The following DNAJC6 variants were observed in gnomAD, a reference collection of about 807,000 sequenced individuals.
DNAJC6 encodes DnaJ heat shock protein family (Hsp40) member C6.
A neutral mutation model predicts 110.0 loss-of-function variants in DNAJC6; 34 were observed. The observed-to-expected ratio is 0.31, with a 90% CI of 0.24 to 0.41. The LOEUF is 0.41. Ranked by LOEUF, DNAJC6 falls within the 10% of genes least tolerant of loss-of-function variation. DNAJC6 has a pLI of 1.00. For synonymous variants in DNAJC6, 406 were observed against 437.2 expected (o/e 0.93, Z 0.89); for missense variants, 1,031 against 1,207.8 (o/e 0.85, Z 2.17).
chr1:65,299,815 C>T (rs775253341), intron 1 of DNAJC6, among the ~76,000 whole-genome samples: 33 of 151,918 alleles, frequency 2.2e-4, no homozygotes, highest in Non-Finnish European at 4.0e-4. Context: ...TTTGGGAGGC[C>T]GAGGTAGGCG....
chr1:65,380,036 A>C (rs184276623), intron 5 of DNAJC6, among the ~76,000 whole-genome samples: 21 of 152,110 alleles, frequency 1.4e-4, no homozygotes, highest in African/African-American at 4.6e-4. Context: ...TCTTCTCAGA[A>C]CTCTTGCCTG....
chr1:65,270,656 C>T (rs1653474326), intron 1 of DNAJC6, among the ~76,000 whole-genome samples: 1 of 152,032 alleles, frequency 6.6e-6, no homozygotes, highest in African/African-American at 2.4e-5. Context: ...ATTGTTACTG[C>T]CACTTACATT....
At chr1:65,335,533 G>A (rs930759168) in intron 1 of DNAJC6, among the ~76,000 whole-genome samples, 1 of 152,162 alleles carries the variant, frequency 6.6e-6, no homozygotes, top group African/African-American at 2.4e-5. Flanking sequence ...CATATAGGGT[G>A]ATCAGGAAAG....
chr1:65,386,788 G>A (rs777595305), intron 7 of DNAJC6, 24 bp from the exon 8 acceptor site: 1 of 1,577,782 alleles, frequency 6.3e-7, no homozygotes, highest in East Asian at 2.2e-5. Flanking sequence ...CTCTTTCAAT[G>A]TATATTTTGG....
intron 1 of DNAJC6, chr1:65,345,802 T>G (rs779288888): frequency 2.4e-6 from 1 of 423,540 alleles, no homozygotes; most frequent in Non-Finnish European, 3.2e-6. Flanking sequence ...GGCTACCATG[T>G]CTGGCCAACC....
intron 11 of DNAJC6, 92 bp from the exon 12 acceptor site, chr1:65,392,339 T>C (rs936166019): frequency 4.0e-6 from 5 of 1,235,006 alleles, no homozygotes; most frequent in Non-Finnish European, 5.5e-6. Flanking sequence ...TGAATCCTTC[T>C]GTCTTTCTGG....
chr1:65,389,260 G>A lies in DNAJC6; in HGVS notation c.1198G>A (p.Glu400Lys), dbSNP rs1645901457. The change falls in exon 10 of 19, where the codon GAG (glutamate) becomes AAG (lysine). Residue 400 changes from glutamate (E) to lysine (K), a missense_variant. By Grantham distance (56) the Glu-to-Lys change is moderately conservative. Coordinates refer to ENST00000371069, the MANE Select transcript of DNAJC6 (RefSeq NM_001256864.2). ...DTTVLKFTKPELDACDVPEKY... is the reference protein window; with the variant it reads ...DTTVLKFTKPKLDACDVPEKY... ...CTTTTTTAAATCCCTATTTAGGCCTGAGTTAGATGCATGTGATGTACCAGA... is the reference window on the plus strand; with the variant it reads ...CTTTTTTAAATCCCTATTTAGGCCTAAGTTAGATGCATGTGATGTACCAGA... 1 of 1,613,648 alleles carries A rather than the reference G, an allele frequency of 6.2e-7. No individual in the cohort carries two copies.
intron 1 of DNAJC6, among the ~76,000 whole-genome samples, chr1:65,295,615 T>TA (rs1483802911): frequency 6.6e-6 from 1 of 152,338 alleles, no homozygotes; most frequent in East Asian, 1.9e-4. Flanking sequence ...ATCAGTAGGG[T>TA]AGTACCTCAA....
intron 1 of DNAJC6, among the ~76,000 whole-genome samples, chr1:65,275,479 T>C (rs1254262457): frequency 6.6e-6 from 1 of 152,226 alleles, no homozygotes; most frequent in African/African-American, 2.4e-5. Flanking sequence ...GTGTTGCATC[T>C]TTTTTCTTCG....
At chr1:65,299,379 G>C (rs9326062) in intron 1 of DNAJC6, among the ~76,000 whole-genome samples, 106,998 of 152,044 alleles carry the variant, frequency 0.7, 39,201 homozygotes, top group African/African-American at 0.92. Flanking sequence ...AGAATTACAC[G>C]CAAAGGAAGG....
At chr1:65,357,188 G>A (rs75813998) in intron 1 of DNAJC6, among the ~76,000 whole-genome samples, 5,133 of 152,220 alleles carry the variant, frequency 0.034, 119 homozygotes, top group South Asian at 0.11. Flanking sequence ...TTTTATAGAA[G>A]CCAGGACAAG....
At chr1:65,312,372 A>G (rs1047689287) in intron 1 of DNAJC6, among the ~76,000 whole-genome samples, 2 of 152,208 alleles carry the variant, frequency 1.3e-5, no homozygotes, top group Non-Finnish European at 2.9e-5. Context: ...TAGTACAACT[A>G]TATGTCTTGC....
intron 1 of DNAJC6, among the ~76,000 whole-genome samples, chr1:65,333,137 T>C (rs1204505086): frequency 6.6e-6 from 1 of 152,196 alleles, no homozygotes; most frequent in Non-Finnish European, 1.5e-5. Flanking sequence ...AATTTTAACA[T>C]ACCAAGAAAT....
intron 4 of DNAJC6, among the ~76,000 whole-genome samples, chr1:65,378,601 G>A (rs9326066): frequency 0.25 from 38,124 of 152,116 alleles, 8,298 homozygotes; most frequent in East Asian, 0.61. Context: ...AGATTAGTAA[G>A]TATGTAATCA....
At chr1:65,357,593 C>A (rs1422494130) in intron 1 of DNAJC6, among the ~76,000 whole-genome samples, 1 of 152,148 alleles carries the variant, frequency 6.6e-6, no homozygotes. Flanking sequence ...GAGACAGTTA[C>A]CACTGTGATG....
chr1:65,347,824 CTTGTTGCATATA>C (rs1645452124), intron 1 of DNAJC6, among the ~76,000 whole-genome samples: 1 of 152,052 alleles, frequency 6.6e-6, no homozygotes, highest in African/African-American at 2.4e-5. Flanking sequence ...CTCAGGATTC[CTTGTTGCATATA>C]TTGGTTGACT....
intron 1 of DNAJC6, among the ~76,000 whole-genome samples, chr1:65,363,718 G>A (rs1244387565): frequency 6.6e-6 from 1 of 152,130 alleles, no homozygotes; most frequent in African/African-American, 2.4e-5. Context: ...ACACCTTGCA[G>A]TGCACAGGGA....
chr1:65,396,216 C>A (rs1645975657), intron 13 of DNAJC6, among the ~76,000 whole-genome samples: 1 of 152,166 alleles, frequency 6.6e-6, no homozygotes, highest in East Asian at 1.9e-4. Context: ...CTGAGTCATG[C>A]TCACTTGAGA....
At chr1:65,379,262 T>C (rs1645795336) in intron 4 of DNAJC6, 140 bp from the exon 5 acceptor site, 4 of 998,994 alleles carry the variant, frequency 4.0e-6, no homozygotes, top group Non-Finnish European at 4.3e-6. Flanking sequence ...CTTCATGCAT[T>C]TGGACCCTGT....
Sources: allele counts gnomAD v4.1 joint callset (sites outside exome capture counted in the v4.1 genomes callset), GRCh38; gene constraint gnomAD v4.1.1; transcripts MANE v1.5; gene names NCBI Gene and HGNC (gene_info 2026-07-23, HGNC 2026-07-21).